Variants in EPB41L4A observed in about 807,000 individuals in gnomAD.
EPB41L4A encodes band 4.1-like protein 4A.
A neutral mutation model predicts 108.6 loss-of-function variants in EPB41L4A; 100 were observed. The observed-to-expected ratio is 0.92, with a 90% CI of 0.78 to 1.09. EPB41L4A has a LOEUF of 1.09. Ranked by LOEUF, EPB41L4A falls within the 50% of genes least tolerant of loss-of-function variation. The pLI, the probability that EPB41L4A is intolerant of heterozygous loss-of-function variation, is 0.00. For missense variants in EPB41L4A, 1,030 were observed against 842.7 expected (o/e 1.22, Z -2.75); for synonymous variants, 319 against 289.0 (o/e 1.10, Z -1.05).
At chr5:112,169,222 T>C in intron 20 of EPB41L4A, 117 bp from the exon 21 acceptor site, 1 of 735,972 alleles carries the variant, frequency 1.4e-6, no homozygotes, top group East Asian at 2.6e-5. Flanking sequence ...TAAAAAGAAC[T>C]TGACTCCTAG....
intron 1 of EPB41L4A, among the ~76,000 whole-genome samples, chr5:112,357,880 C>G (rs763369196): frequency 8.5e-5 from 13 of 152,138 alleles, no homozygotes; most frequent in Non-Finnish European, 1.5e-4. Flanking sequence ...TAAATGTACA[C>G]CAAAGGCATC....
chr5:112,164,959 T>C lies in EPB41L4A; in HGVS notation c.*31A>G. 6.3e-7 allele frequency: 1 copy of C among 1,582,766 alleles called. No homozygotes were observed. The highest frequency in any genetic ancestry group is 8.6e-7 in the Non-Finnish European group (1 of 1,168,202). On this transcript the variant is annotated 3_prime_UTR_variant, in exon 23 of 23. Transcript: ENST00000261486. ...AAAGTACCAGTGGCGCACACAACCT[T>C]CCCACCCCTACCCTTGACCCTTCAT...
At chr5:112,403,087 C>A (rs1389397164) in intron 1 of EPB41L4A, among the ~76,000 whole-genome samples, 3 of 151,716 alleles carry the variant, frequency 2.0e-5, no homozygotes, top group Non-Finnish European at 2.9e-5. Context: ...ATATGAGGAG[C>A]CTCTAGTTTT....
intron 1 of EPB41L4A, among the ~76,000 whole-genome samples, chr5:112,365,597 G>C (rs964135023): frequency 6.6e-6 from 1 of 152,076 alleles, no homozygotes; most frequent in Non-Finnish European, 1.5e-5. Context: ...ACATTACCAT[G>C]GTACGTTTGT....
At chr5:112,168,174 G>A (rs900612977) in intron 22 of EPB41L4A, among the ~76,000 whole-genome samples, 11 of 152,134 alleles carry the variant, frequency 7.2e-5, no homozygotes, top group African/African-American at 2.7e-4. Flanking sequence ...AACTCTTCCT[G>A]AACTATGTTT....
intron 1 of EPB41L4A, among the ~76,000 whole-genome samples, chr5:112,418,526 T>C (rs1762855972): frequency 6.6e-6 from 1 of 151,838 alleles, no homozygotes; most frequent in African/African-American, 2.4e-5. Flanking sequence ...ACTAGTTCAC[T>C]TCCCTAATAA....
intron 1 of EPB41L4A, among the ~76,000 whole-genome samples, chr5:112,315,783 CA>C (rs1180433611): frequency 2.7e-5 from 4 of 150,442 alleles, no homozygotes; most frequent in Non-Finnish European, 5.9e-5. Flanking sequence ...AAAGATTATG[CA>C]AAAAAAATCT....
chr5:112,157,688 C>T (rs556828526), downstream of EPB41L4A, among the ~76,000 whole-genome samples: 1 of 152,342 alleles, frequency 6.6e-6, no homozygotes, highest in Non-Finnish European at 1.5e-5. Context: ...CTTCTGCTAC[C>T]TTCTTCCATT....
intron 12 of EPB41L4A, among the ~76,000 whole-genome samples, chr5:112,147,629 C>A (rs1218216435): frequency 7.3e-6 from 1 of 136,116 alleles, no homozygotes; most frequent in Admixed American, 7.3e-5. Flanking sequence ...CAGAACGAGA[C>A]TCTGTCTCAA....
At chr5:112,412,354 T>C (rs1306573192) in intron 1 of EPB41L4A, among the ~76,000 whole-genome samples, 2 of 152,200 alleles carry the variant, frequency 1.3e-5, no homozygotes, top group South Asian at 2.1e-4. Flanking sequence ...ATTCCAGACC[T>C]TGATGAATCT....
intron 12 of EPB41L4A, among the ~76,000 whole-genome samples, chr5:112,216,803 T>C (rs373453091): frequency 2.6e-5 from 4 of 152,202 alleles, no homozygotes; most frequent in South Asian, 2.1e-4. Flanking sequence ...ATTTCTCACA[T>C]TGACAGCTCA....
chr5:112,161,633 C>T (rs2290990), downstream of EPB41L4A: 1 of 518,568 alleles, frequency 1.9e-6, no homozygotes, highest in Admixed American at 1.9e-5. Flanking sequence ...TTTTACGTTT[C>T]CACGCGTGAT....
chr5:112,401,526 G>A (rs2112749018), intron 1 of EPB41L4A, among the ~76,000 whole-genome samples: 1 of 152,224 alleles, frequency 6.6e-6, no homozygotes, highest in East Asian at 1.9e-4. Flanking sequence ...CAGCAAATAT[G>A]TAAATATGTA....
At chr5:112,196,167 C>T (rs1170780911) in intron 15 of EPB41L4A, among the ~76,000 whole-genome samples, 1 of 152,172 alleles carries the variant, frequency 6.6e-6, no homozygotes, top group Non-Finnish European at 1.5e-5. Context: ...ACTTTGCTCT[C>T]TTACCACAAT....
chr5:112,261,681 A>C (rs1250234765), intron 7 of EPB41L4A, among the ~76,000 whole-genome samples: 5 of 152,214 alleles, frequency 3.3e-5, no homozygotes, highest in African/African-American at 1.2e-4. Context: ...ACTGAAAAAA[A>C]TCTGCAAAAA....
intron 12 of EPB41L4A, among the ~76,000 whole-genome samples, chr5:112,220,817 G>A (rs578198840): frequency 6.6e-6 from 1 of 152,120 alleles, no homozygotes; most frequent in East Asian, 1.9e-4. Flanking sequence ...TCCCTCATGT[G>A]ATAGATATCC....
intron 8 of EPB41L4A, 65 bp downstream of exon 8, chr5:112,259,826 A>C (rs1751368301): frequency 1.7e-6 from 2 of 1,150,850 alleles, no homozygotes; most frequent in South Asian, 2.5e-5. Flanking sequence ...CAACTCTTTC[A>C]CTGACACAGG....
At chr5:112,341,289 T>G (rs1757299644) in intron 1 of EPB41L4A, among the ~76,000 whole-genome samples, 1 of 152,206 alleles carries the variant, frequency 6.6e-6, no homozygotes, top group Admixed American at 6.5e-5. Context: ...ATAACTGTGT[T>G]TGATTATAAT....
At chr5:112,266,545 G>A (rs1484924656) in intron 4 of EPB41L4A, among the ~76,000 whole-genome samples, 4 of 152,156 alleles carry the variant, frequency 2.6e-5, no homozygotes, top group Admixed American at 2.0e-4. Context: ...CGGCTTTCAA[G>A]TTCAACTGCT....
Sources: allele counts gnomAD v4.1 joint callset (sites outside exome capture counted in the v4.1 genomes callset), GRCh38; gene constraint gnomAD v4.1.1; transcripts MANE v1.5; gene names NCBI Gene and HGNC (gene_info 2026-07-23, HGNC 2026-07-21).